Variants in ATP8A2 observed in about 807,000 individuals in gnomAD.
ATP8A2 encodes ATPase phospholipid transporting 8A2.
A neutral mutation model predicts 165.6 loss-of-function variants in ATP8A2; 100 were observed. That is an observed-to-expected ratio of 0.60 (90% CI 0.51 to 0.71). The LOEUF is 0.71. ATP8A2 is among the 30% of genes least tolerant of loss of function. The pLI is 0.00. For synonymous variants in ATP8A2, 543 were observed against 548.8 expected (o/e 0.99, Z 0.15); for missense variants, 1,227 against 1,479.5 (o/e 0.83, Z 2.80).
chr13:25,534,185 A>G (rs1328180778), intron 6 of ATP8A2: 1 of 532,828 alleles, frequency 1.9e-6, no homozygotes, highest in Non-Finnish European at 3.8e-6. Context: ...TTTTAGGAGA[A>G]TTCGCCACCC....
intron 24 of ATP8A2, among the ~76,000 whole-genome samples, chr13:25,657,854 A>G (rs1010269277): frequency 6.6e-6 from 1 of 152,232 alleles, no homozygotes; most frequent in African/African-American, 2.4e-5. Flanking sequence ...GTTGCTACAA[A>G]TGAAACCTGG....
At chr13:25,452,309 G>A (rs935872354) in intron 1 of ATP8A2, among the ~76,000 whole-genome samples, 11 of 152,224 alleles carry the variant, frequency 7.2e-5, no homozygotes, top group Non-Finnish European at 1.3e-4. Context: ...CGGGCTGAGC[G>A]CACACAGAGC....
intron 24 of ATP8A2, among the ~76,000 whole-genome samples, chr13:25,688,488 T>C (rs2042652747): frequency 2.0e-5 from 3 of 152,228 alleles, no homozygotes; most frequent in Admixed American, 2.0e-4. Context: ...CATTTTTTGC[T>C]TATTTTTTTC....
At chr13:25,527,002 G>A (rs1343332891) in intron 2 of ATP8A2, among the ~76,000 whole-genome samples, 1 of 152,050 alleles carries the variant, frequency 6.6e-6, no homozygotes, top group East Asian at 1.9e-4. Flanking sequence ...GGCTGTGGAT[G>A]TCCCCTTCTC....
At chr13:25,684,626 G>A (rs769436014) in intron 24 of ATP8A2, among the ~76,000 whole-genome samples, 4 of 152,200 alleles carry the variant, frequency 2.6e-5, no homozygotes, top group Non-Finnish European at 5.9e-5. Flanking sequence ...ACAGTAGGTC[G>A]TTCAGGAGTC....
In ATP8A2 at chr13:25,768,967, T is replaced by C. The variant is rs151276565; in HGVS notation, c.2385-79T>C. On this transcript the variant is annotated intron_variant, in intron 25 of 36. Coordinates refer to ENST00000381655, the MANE Select transcript of ATP8A2 (RefSeq NM_016529.6). ...GGAGATCGTCCAGTAACTGTCCTTT[T>C]AATGCAGCGGAATGTAGATTACAGC... is the stretch of plus-strand genomic sequence containing the variant. 9.0e-4 allele frequency: 1,216 copies of C among 1,353,388 alleles called. 9 individuals carry two copies. In the African/African-American group the frequency reaches 0.015, roughly 16 times the overall value. 83.8% of individuals were successfully genotyped at this position (1,353,388 alleles called of 1,614,324 possible).
chr13:25,913,598 G>C (rs1472613225), intron 33 of ATP8A2, among the ~76,000 whole-genome samples: 1 of 152,120 alleles, frequency 6.6e-6, no homozygotes, highest in Admixed American at 6.5e-5. Flanking sequence ...AGCTGGTGTA[G>C]AGCATCCTTT....
intron 24 of ATP8A2, among the ~76,000 whole-genome samples, chr13:25,608,567 C>G (rs1266848418): frequency 6.6e-6 from 1 of 152,072 alleles, no homozygotes; most frequent in African/African-American, 2.4e-5. Context: ...ATCTTGCAAA[C>G]TTTTTCTGTA....
chr13:25,707,553 A>G (rs577513055), intron 25 of ATP8A2, among the ~76,000 whole-genome samples: 2 of 152,358 alleles, frequency 1.3e-5, no homozygotes, highest in South Asian at 4.1e-4. Context: ...AATATTTAGT[A>G]TAAGATTGAA....
At chr13:25,424,376 T>G (rs1460969243) in intron 1 of ATP8A2, among the ~76,000 whole-genome samples, 3 of 152,158 alleles carry the variant, frequency 2.0e-5, no homozygotes, top group Non-Finnish European at 4.4e-5. Flanking sequence ...TGCTCTGTAA[T>G]CACATCATCA....
intron 24 of ATP8A2, among the ~76,000 whole-genome samples, chr13:25,612,557 A>G (rs980517421): frequency 3.9e-5 from 6 of 152,154 alleles, no homozygotes; most frequent in African/African-American, 1.4e-4. Context: ...GGCCTATCAT[A>G]TGGTCTAGCT....
chr13:26,004,997 G>A (rs970213229), intron 35 of ATP8A2, among the ~76,000 whole-genome samples: 3 of 151,828 alleles, frequency 2.0e-5, no homozygotes, highest in African/African-American at 7.3e-5. Flanking sequence ...TGCTGACTTT[G>A]TAAAATGGGT....
At chr13:25,851,716 T>C (rs1225175340) in intron 30 of ATP8A2, among the ~76,000 whole-genome samples, 1 of 152,252 alleles carries the variant, frequency 6.6e-6, no homozygotes, top group Non-Finnish European at 1.5e-5. Flanking sequence ...TTCCCCTCCA[T>C]GCAGGTGTTC....
chr13:25,403,526 T>C (rs2033705942), intron 1 of ATP8A2, among the ~76,000 whole-genome samples: 1 of 152,158 alleles, frequency 6.6e-6, no homozygotes, highest in Non-Finnish European at 1.5e-5. Flanking sequence ...TTGTGGATCC[T>C]ATCTCCAGCT....
intron 1 of ATP8A2, among the ~76,000 whole-genome samples, chr13:25,450,528 T>TTG (rs10562123): frequency 0.028 from 4,202 of 150,594 alleles, 135 homozygotes; most frequent in African/African-American, 0.083. Context: ...TGACTGGTCT[T>TTG]TGTGTGTGTG....
intron 13 of ATP8A2, among the ~76,000 whole-genome samples, chr13:25,555,297 A>G (rs1391752223): frequency 6.6e-6 from 1 of 150,534 alleles, no homozygotes; most frequent in Non-Finnish European, 1.5e-5. Context: ...AGTAACCAGA[A>G]AAAAAAAAGA....
At chr13:25,970,982 T>A (rs1341449801) in intron 35 of ATP8A2, among the ~76,000 whole-genome samples, 2 of 152,186 alleles carry the variant, frequency 1.3e-5, no homozygotes, top group Non-Finnish European at 1.5e-5. Flanking sequence ...TAAATTTCAC[T>A]TTGTAGTTCA....
chr13:25,929,498 G>A (rs543262628), intron 33 of ATP8A2, among the ~76,000 whole-genome samples: 1 of 152,268 alleles, frequency 6.6e-6, no homozygotes, highest in South Asian at 2.1e-4. Flanking sequence ...CGAATTTTTA[G>A]TTACATACAA....
At chr13:25,402,348 T>C (rs2033664632) in intron 1 of ATP8A2, among the ~76,000 whole-genome samples, 1 of 152,170 alleles carries the variant, frequency 6.6e-6, no homozygotes, top group Non-Finnish European at 1.5e-5. Flanking sequence ...GCGGCTCTTG[T>C]ATATGAGAGC....
Sources: gnomAD v4.1 joint callset for allele counts (sites outside exome capture counted in the v4.1 genomes callset) on GRCh38, gnomAD v4.1.1 for gene constraint, MANE v1.5 for transcripts, NCBI Gene and HGNC (gene_info 2026-07-23, HGNC 2026-07-21) for gene names.